The following CDKL4 variants were observed in gnomAD, a reference collection of about 807,000 sequenced individuals.
CDKL4 encodes cyclin dependent kinase like 4, also known as cyclin-dependent kinase-like 4.
CDKL4 carries 44 observed loss-of-function variants against 42.0 expected under a neutral mutation model. The observed-to-expected ratio is 1.05, with a 90% CI of 0.82 to 1.35. CDKL4 has a LOEUF of 1.35. Ranked by LOEUF, CDKL4 falls within the 40% of genes most tolerant of loss-of-function variation. The pLI is 0.00. For missense variants in CDKL4, 393 were observed against 369.9 expected (o/e 1.06, Z -0.51); for synonymous variants, 120 against 121.6 (o/e 0.99, Z 0.09).
At chr2:39,211,751 A>G (rs1312391914) in intron 4 of CDKL4, among the ~76,000 whole-genome samples, 6 of 151,944 alleles carry the variant, frequency 3.9e-5, no homozygotes, top group Non-Finnish European at 5.9e-5. Flanking sequence ...ACCATCAGGG[A>G]AACAACGTTG....
chr2:39,192,986 G>A (rs1235855353), intron 5 of CDKL4, among the ~76,000 whole-genome samples: 1 of 151,852 alleles, frequency 6.6e-6, no homozygotes, highest in East Asian at 1.9e-4. Context: ...AAATCAGCCA[G>A]GCATGGTAGC....
chr2:39,233,989 C>G (rs1679225319), intron 1 of CDKL4, among the ~76,000 whole-genome samples: 1 of 147,162 alleles, frequency 6.8e-6, no homozygotes, highest in Non-Finnish European at 1.5e-5. Context: ...TCTCGGCTCA[C>G]TGCAACCTCT....
At chr2:39,207,677 C>A (rs919774138) in intron 4 of CDKL4, among the ~76,000 whole-genome samples, 1 of 151,948 alleles carries the variant, frequency 6.6e-6, no homozygotes, top group African/African-American at 2.4e-5. Flanking sequence ...ATTTTTCAAC[C>A]AAATATACAA....
chr2:39,212,184 A>G (rs1677624860), intron 4 of CDKL4, among the ~76,000 whole-genome samples: 1 of 151,926 alleles, frequency 6.6e-6, no homozygotes. Flanking sequence ...CCTCCTTGTG[A>G]TTTTGATGCA....
intron 3 of CDKL4, among the ~76,000 whole-genome samples, chr2:39,217,581 G>C (rs1444567595): frequency 6.6e-6 from 1 of 152,058 alleles, no homozygotes; most frequent in Non-Finnish European, 1.5e-5. Flanking sequence ...GGCCTACAAG[G>C]CTGTTAATAA....
intron 1 of CDKL4, among the ~76,000 whole-genome samples, chr2:39,232,793 C>G (rs1679146609): frequency 6.6e-6 from 1 of 152,024 alleles, no homozygotes; most frequent in Non-Finnish European, 1.5e-5. Context: ...CTCCTGTAAT[C>G]CCGGCACTTT....
chr2:39,236,548 A>G (rs1044002389), intron 1 of CDKL4, among the ~76,000 whole-genome samples: 2 of 152,202 alleles, frequency 1.3e-5, no homozygotes, highest in Non-Finnish European at 2.9e-5. Context: ...ACATCTTGAA[A>G]AGAGAGAACC....
chr2:39,207,963 G>A (rs549110417), intron 4 of CDKL4, among the ~76,000 whole-genome samples: 11 of 152,130 alleles, frequency 7.2e-5, no homozygotes, highest in African/African-American at 1.4e-4. Flanking sequence ...TTAGCCAGGC[G>A]TGGTTGTGGG....
At chr2:39,238,774 T>C (rs1239621429) in intron 1 of CDKL4, among the ~76,000 whole-genome samples, 4 of 150,988 alleles carry the variant, frequency 2.6e-5, no homozygotes, top group Non-Finnish European at 5.9e-5. Flanking sequence ...TTGTTTAAGA[T>C]AGAGTCTCAC....
At chr2:39,220,925 T>TTCATTATC (rs1678281419) in intron 3 of CDKL4, among the ~76,000 whole-genome samples, 1 of 136,812 alleles carries the variant, frequency 7.3e-6, no homozygotes, top group Non-Finnish European at 1.6e-5. Context: ...GTTGGGTCCC[T>TTCATTATC]TCATTATCTC....
intron 8 of CDKL4, among the ~76,000 whole-genome samples, chr2:39,183,806 C>T (rs758756496): frequency 1.3e-5 from 2 of 152,084 alleles, no homozygotes; most frequent in Admixed American, 6.6e-5. Context: ...TCTGAGAGCA[C>T]AGGGGTATCA....
chr2:39,241,016 G>A (rs72923480), intron 1 of CDKL4, among the ~76,000 whole-genome samples: 3,037 of 152,262 alleles, frequency 0.02, 80 homozygotes, highest in African/African-American at 0.07. Context: ...AACAAAATGC[G>A]ACGTGTGATC....
chr2:39,242,868 C>T (rs1274495738), intron 1 of CDKL4, among the ~76,000 whole-genome samples: 3 of 151,816 alleles, frequency 2.0e-5, no homozygotes, highest in African/African-American at 7.3e-5. Context: ...GAGGTTGAGG[C>T]GGGTGGAGCA....
chr2:39,217,731 TA>T (rs1678020295), intron 3 of CDKL4, among the ~76,000 whole-genome samples: 2 of 148,148 alleles, frequency 1.3e-5, no homozygotes, highest in South Asian at 4.2e-4. Context: ...TTTATTTATT[TA>T]TTTATTTATT....
downstream of CDKL4, among the ~76,000 whole-genome samples, chr2:39,174,854 G>A (rs1377663151): frequency 6.6e-6 from 1 of 151,802 alleles, no homozygotes; most frequent in Non-Finnish European, 1.5e-5. Context: ...CACCTAATAT[G>A]GTGCTGCAAA....
At chr2:39,192,014 G>T (rs1252909727) in intron 5 of CDKL4, among the ~76,000 whole-genome samples, 1 of 152,240 alleles carries the variant, frequency 6.6e-6, no homozygotes, top group Non-Finnish European at 1.5e-5. Context: ...CCTCATAGGA[G>T]TGGGAAAAGG....
At chr2:39,187,235 C>A (rs1034261398) in intron 7 of CDKL4, among the ~76,000 whole-genome samples, 1 of 152,152 alleles carries the variant, frequency 6.6e-6, no homozygotes, top group African/African-American at 2.4e-5. Flanking sequence ...TTTCCTGAGG[C>A]CTCCCCAGCC....
At chr2:39,208,202 C>T (rs534111889) in intron 4 of CDKL4, among the ~76,000 whole-genome samples, 1 of 152,264 alleles carries the variant, frequency 6.6e-6, no homozygotes, top group Admixed American at 6.5e-5. Context: ...AGACATACAG[C>T]ATTCACCTAC....
At chr2:39,193,206 G>A (rs1262062369) in intron 5 of CDKL4, among the ~76,000 whole-genome samples, 1 of 150,720 alleles carries the variant, frequency 6.6e-6, no homozygotes, top group East Asian at 1.9e-4. Flanking sequence ...GGCTGAACGG[G>A]GTGGATCACT....
Sources: gnomAD v4.1 joint callset for allele counts (sites outside exome capture counted in the v4.1 genomes callset) on GRCh38, gnomAD v4.1.1 for gene constraint, MANE v1.5 for transcripts, NCBI Gene and HGNC (gene_info 2026-07-23, HGNC 2026-07-21) for gene names.